The following MBD5 variants were observed in gnomAD, a reference collection of about 807,000 sequenced individuals.
MBD5 encodes the protein methyl-CpG-binding domain protein 5.
MBD5 carries 13 observed loss-of-function variants against 117.3 expected under a neutral mutation model. The ratio of observed to expected loss-of-function variants is 0.11; its 90% CI spans 0.07 to 0.18. MBD5 has a LOEUF of 0.18. MBD5 is among the 10% of genes least tolerant of loss of function. The pLI is 1.00. For missense variants in MBD5, 1,879 were observed against 2,093.8 expected, an observed-to-expected ratio of 0.90 and a Z score of 2.00; for synonymous variants, 727 against 766.4, an observed-to-expected ratio of 0.95 and a Z score of 0.85.
intron 1 of MBD5, among the ~76,000 whole-genome samples, chr2:148,116,748 T>G (rs940986648): frequency 6.6e-6 from 1 of 152,230 alleles, no homozygotes; most frequent in African/African-American, 2.4e-5. Context: ...TTTATACTGA[T>G]TGCTCACATT....
In MBD5 at chr2:148,021,451, TTGCTGCTGCTGTTGC is replaced by T; in HGVS notation, c.-1146_-1132del. 1 of 567,628 alleles carries T rather than the reference TTGCTGCTGCTGTTGC, an allele frequency of 1.8e-6. No homozygotes were observed. The allele number at this position is 567,628 out of a possible 1,614,324, so 35.2% of individuals were successfully genotyped here. On this transcript the variant is annotated 5_prime_UTR_variant, in exon 1 of 14. Coordinates refer to ENST00000642680, the MANE Select transcript of MBD5 (RefSeq NM_001378120.1). ...AAAGCCTCTTAGCAACACAGACCCT[TTGCTGCTGCTGTTGC>T]TGCTGCTGCTGCTGTTGCTGCTGCT...
chr2:148,146,682 A>C (rs1231204768), intron 1 of MBD5, among the ~76,000 whole-genome samples: 1 of 151,890 alleles, frequency 6.6e-6, no homozygotes, highest in Non-Finnish European at 1.5e-5. Flanking sequence ...AAAAATTATT[A>C]TTACTGCCCC....
At chr2:148,220,158 T>C (rs1699650338) in intron 2 of MBD5, 1 of 152,154 alleles carries the variant, frequency 6.6e-6, no homozygotes, top group Admixed American at 6.6e-5. Context: ...ATAAATACTG[T>C]TTATCATATT....
chr2:148,134,878 C>G (rs564917542), intron 1 of MBD5, among the ~76,000 whole-genome samples: 1 of 152,144 alleles, frequency 6.6e-6, no homozygotes, highest in Admixed American at 6.5e-5. Context: ...GATTTCTATT[C>G]TGATTCATAT....
intron 3 of MBD5, among the ~76,000 whole-genome samples, chr2:148,253,632 C>A (rs139679235): frequency 4.1e-4 from 63 of 152,250 alleles, no homozygotes; most frequent in African/African-American, 1.5e-3. Context: ...CTCATTATAT[C>A]TTTAAAAGCT....
chr2:148,272,020 G>T (rs1558999796), intron 3 of MBD5, among the ~76,000 whole-genome samples: 1 of 152,082 alleles, frequency 6.6e-6, no homozygotes, highest in South Asian at 2.1e-4. Context: ...GATTCCACAT[G>T]TAAATAAGAT....
chr2:148,059,118 CAAG>C (rs771007605), intron 1 of MBD5, among the ~76,000 whole-genome samples: 8 of 152,094 alleles, frequency 5.3e-5, no homozygotes, highest in Non-Finnish European at 1.2e-4. Context: ...AGAACACTGA[CAAG>C]AACTTTGTAT....
intron 2 of MBD5, among the ~76,000 whole-genome samples, chr2:148,188,363 T>G (rs1698720432): frequency 6.6e-6 from 1 of 152,076 alleles, no homozygotes; most frequent in Admixed American, 6.5e-5. Context: ...GAAATATAGC[T>G]GATAAATCAA....
At chr2:148,446,453 A>G (rs55879339) in intron 4 of MBD5, among the ~76,000 whole-genome samples, 22 of 152,256 alleles carry the variant, frequency 1.4e-4, no homozygotes, top group Non-Finnish European at 2.5e-4. Context: ...GAAGACCTCA[A>G]TGGTGAGAGG....
intron 4 of MBD5, among the ~76,000 whole-genome samples, chr2:148,377,849 T>C (rs1704034494): frequency 6.6e-6 from 1 of 152,186 alleles, no homozygotes; most frequent in Non-Finnish European, 1.5e-5. Flanking sequence ...AAGAGAAGGA[T>C]AGTAGTTCAT....
intron 4 of MBD5, among the ~76,000 whole-genome samples, chr2:148,377,386 C>T (rs1704020003): frequency 6.6e-6 from 1 of 152,150 alleles, no homozygotes; most frequent in African/African-American, 2.4e-5. Flanking sequence ...CCTTTGGCAA[C>T]ACCCTCATAG....
chr2:148,198,548 C>T (rs1453160194), intron 2 of MBD5, among the ~76,000 whole-genome samples: 1 of 151,992 alleles, frequency 6.6e-6, no homozygotes, highest in African/African-American at 2.4e-5. Flanking sequence ...GTGATTTTTA[C>T]ATGTTTTCAT....
intron 3 of MBD5, among the ~76,000 whole-genome samples, chr2:148,335,680 C>G (rs1702768621): frequency 6.6e-6 from 1 of 152,058 alleles, no homozygotes; most frequent in East Asian, 1.9e-4. Context: ...GATCGCACCA[C>G]TGCTCTCCAG....
chr2:148,498,394 A>G (rs1046410569), intron 11 of MBD5, among the ~76,000 whole-genome samples: 1 of 152,078 alleles, frequency 6.6e-6, no homozygotes, highest in East Asian at 1.9e-4. Flanking sequence ...TGTTTTTGAG[A>G]TGGAGTCTCT....
At chr2:148,043,373 A>C (rs947938303) in intron 1 of MBD5, among the ~76,000 whole-genome samples, 5 of 151,950 alleles carry the variant, frequency 3.3e-5, no homozygotes, top group Non-Finnish European at 7.4e-5. Context: ...GAATCGCCTG[A>C]ACCCAGGAGG....
intron 1 of MBD5, among the ~76,000 whole-genome samples, chr2:148,080,546 A>G (rs1695623714): frequency 6.6e-6 from 1 of 152,104 alleles, no homozygotes; most frequent in Admixed American, 6.6e-5. Flanking sequence ...GTTTAGGCTT[A>G]AATCTTTTAG....
At chr2:148,250,213 AG>A (rs1162065497) in intron 3 of MBD5, among the ~76,000 whole-genome samples, 1 of 152,218 alleles carries the variant, frequency 6.6e-6, no homozygotes, top group African/African-American at 2.4e-5. Context: ...ATGCAGGAAC[AG>A]AAAACCAAAT....
chr2:148,388,660 A>G (rs1325858537), intron 4 of MBD5, among the ~76,000 whole-genome samples: 1 of 152,132 alleles, frequency 6.6e-6, no homozygotes, highest in Non-Finnish European at 1.5e-5. Flanking sequence ...TGGCAGGTTT[A>G]GTTTCTGCTG....
At chr2:148,188,468 T>C (rs1041897656) in intron 2 of MBD5, among the ~76,000 whole-genome samples, 9 of 152,058 alleles carry the variant, frequency 5.9e-5, no homozygotes, top group Non-Finnish European at 1.2e-4. Context: ...GGAGGATCAC[T>C]TGAGTCCAGG....
Sources: allele counts gnomAD v4.1 joint callset (sites outside exome capture counted in the v4.1 genomes callset), GRCh38; gene constraint gnomAD v4.1.1; transcripts MANE v1.5; gene names NCBI Gene and HGNC (gene_info 2026-07-23, HGNC 2026-07-21).